The following RGS7 variants were observed in gnomAD, a reference collection of about 807,000 sequenced individuals.
RGS7 encodes the protein regulator of G protein signaling 7.
In RGS7, 27 loss-of-function variants were observed where a neutral mutation model predicts 81.1. That is an observed-to-expected ratio of 0.33 (90% confidence interval 0.25 to 0.46). The LOEUF is 0.46. RGS7 is among the 20% of genes least tolerant of loss of function. RGS7 has a pLI of 1.00. For synonymous variants in RGS7, 208 were observed against 207.7 expected (o/e 1.00, Z -0.01); for missense variants, 396 against 607.4 (o/e 0.65, Z 3.66).
At chr1:240,992,958 C>T (rs1172400454) in intron 3 of RGS7, among the ~76,000 whole-genome samples, 10 of 151,434 alleles carry the variant, frequency 6.6e-5, no homozygotes, top group Admixed American at 2.0e-4. Flanking sequence ...GAGGTTGTAG[C>T]GAGTCGAGAT....
In RGS7 at chr1:241,188,913, T is replaced by C. The variant is rs370453941; in HGVS notation, c.79-90151A>G. Among the ~76,000 whole-genome samples the C allele has an allele frequency of 3.9e-5, 6 of 152,328 alleles. No homozygotes were observed. The South Asian group carries it at 1.2e-3, about 32-fold the overall frequency. On this transcript the variant is annotated intron_variant, in intron 2 of 18. Transcript: ENST00000440928. ...CGAAATTCAGCAGAACTTCAAACTA[T>C]CAACCAAACAATATACGAGTGCTCC...
At chr1:240,970,654 A>G (rs1317127886) in intron 4 of RGS7, among the ~76,000 whole-genome samples, 1 of 152,162 alleles carries the variant, frequency 6.6e-6, no homozygotes, top group Admixed American at 6.5e-5. Context: ...CCCAAGAGGC[A>G]AGAGGCCACC....
intron 6 of RGS7, among the ~76,000 whole-genome samples, chr1:240,877,254 T>C (rs2148063721): frequency 6.7e-6 from 1 of 150,346 alleles, no homozygotes; most frequent in South Asian, 2.1e-4. Context: ...GTAAAAAATA[T>C]ACAGTAAATA....
chr1:241,322,930 A>G (rs568278322), intron 2 of RGS7, among the ~76,000 whole-genome samples: 31 of 152,360 alleles, frequency 2.0e-4, no homozygotes, highest in African/African-American at 7.5e-4. Context: ...TTGAATTTTT[A>G]TACTGTAATC....
chr1:241,341,119 A>C (rs1573756394), intron 2 of RGS7, among the ~76,000 whole-genome samples: 1 of 152,172 alleles, frequency 6.6e-6, no homozygotes, highest in Non-Finnish European at 1.5e-5. Context: ...ATTCCACCCC[A>C]TTTACACAAT....
intron 9 of RGS7, among the ~76,000 whole-genome samples, chr1:240,848,094 G>A (rs951054361): frequency 1.3e-5 from 2 of 152,160 alleles, no homozygotes; most frequent in African/African-American, 4.8e-5. Context: ...AAGATCGGAA[G>A]CCATCACTGC....
intron 2 of RGS7, among the ~76,000 whole-genome samples, chr1:241,107,965 C>CA (rs1383247289): frequency 6.6e-6 from 1 of 151,866 alleles, no homozygotes; most frequent in African/African-American, 2.4e-5. Context: ...AAAGCAGTCT[C>CA]AAAAAAATAA....
chr1:240,856,733 G>A (rs1274579248), intron 9 of RGS7, among the ~76,000 whole-genome samples: 2 of 152,088 alleles, frequency 1.3e-5, no homozygotes, highest in East Asian at 3.9e-4. Context: ...AGCATTCTCT[G>A]AAGAAATATT....
At chr1:240,836,041 T>C (rs1354570779) in intron 9 of RGS7, among the ~76,000 whole-genome samples, 1 of 150,896 alleles carries the variant, frequency 6.6e-6, no homozygotes, top group Non-Finnish European at 1.5e-5. Flanking sequence ...CCATAGAATG[T>C]ACAACATCAA....
chr1:241,129,278 A>G (rs2066911548), intron 2 of RGS7, among the ~76,000 whole-genome samples: 1 of 151,792 alleles, frequency 6.6e-6, no homozygotes, highest in South Asian at 2.1e-4. Flanking sequence ...CAAAAAAAAA[A>G]CGGAACTCAA....
intron 2 of RGS7, among the ~76,000 whole-genome samples, chr1:241,324,220 A>ACTTATTACC (rs2081364655): frequency 6.6e-6 from 1 of 152,198 alleles, no homozygotes; most frequent in African/African-American, 2.4e-5. Context: ...AACTCTATTT[A>ACTTATTACC]CTTATTACCA....
chr1:241,158,238 T>A (rs1188062106), intron 2 of RGS7, among the ~76,000 whole-genome samples: 1 of 152,206 alleles, frequency 6.6e-6, no homozygotes, highest in Non-Finnish European at 1.5e-5. Context: ...AAGCCAAATA[T>A]GTTTACTATC....
Position 240,832,752 on chromosome 1 carries a change from T to A in RGS7, c.610-5580A>T, listed in dbSNP as rs375104271. ...CTGATGTGTACCTGGGAGAACAGTG[T>A]CCTAAACGACAGGTGAGTGGAGGAT... On this transcript the variant is annotated intron_variant, in intron 9 of 18. Coordinates refer to ENST00000440928, the MANE Select transcript of RGS7 (RefSeq NM_001364886.1). Among the ~76,000 whole-genome samples, 6 of 152,254 alleles carry A rather than the reference T, an allele frequency of 3.9e-5. No individual in the cohort carries two copies. In the East Asian group the frequency reaches 9.6e-4, roughly 24 times the overall value.
In RGS7 at chr1:241,327,760, AT is replaced by A. The variant is rs1289511093; in HGVS notation, c.78+27938del. Among the ~76,000 whole-genome samples the A allele has an allele frequency of 5.3e-5, 8 of 152,360 alleles. No homozygotes were observed. The South Asian group carries it at 1.0e-3, about 20-fold the overall frequency. Reference sequence around the variant, plus strand: ...GTATGTTAAGGTTTTATGACTATACATTTACAGATGTTTTTTAAACTCTTAT... The same window carrying A: ...GTATGTTAAGGTTTTATGACTATACATTACAGATGTTTTTTAAACTCTTAT... On this transcript the variant is annotated intron_variant, in intron 2 of 18. Coordinates refer to ENST00000440928, the MANE Select transcript of RGS7 (RefSeq NM_001364886.1).
intron 6 of RGS7, among the ~76,000 whole-genome samples, chr1:240,895,705 G>A (rs1411946122): frequency 1.3e-5 from 2 of 152,128 alleles, no homozygotes; most frequent in Non-Finnish European, 2.9e-5. Context: ...CATTTGGCTT[G>A]GTTCCAAGTC....
At chr1:240,907,588 A>C (rs1251473243) in intron 6 of RGS7, among the ~76,000 whole-genome samples, 1 of 152,194 alleles carries the variant, frequency 6.6e-6, no homozygotes, top group African/African-American at 2.4e-5. Flanking sequence ...GTTGTTTCAG[A>C]AATAGCACAA....
intron 9 of RGS7, among the ~76,000 whole-genome samples, chr1:240,831,142 T>C (rs1341312657): frequency 6.6e-6 from 1 of 152,138 alleles, no homozygotes; most frequent in Non-Finnish European, 1.5e-5. Flanking sequence ...TACTAATGAC[T>C]AAATGGTTAA....
chr1:241,106,584 C>T (rs1234448646), intron 2 of RGS7, among the ~76,000 whole-genome samples: 2 of 151,988 alleles, frequency 1.3e-5, no homozygotes, highest in East Asian at 3.9e-4. Flanking sequence ...TGTGTGGTGG[C>T]AGGTGCCTGT....
chr1:241,324,084 T>C (rs2081356835), intron 2 of RGS7, among the ~76,000 whole-genome samples: 1 of 152,180 alleles, frequency 6.6e-6, no homozygotes, highest in African/African-American at 2.4e-5. Context: ...GTGTAGTGGT[T>C]AGCACAGACG....
Sources: gnomAD v4.1 joint callset for allele counts (sites outside exome capture counted in the v4.1 genomes callset) on GRCh38, gnomAD v4.1.1 for gene constraint, MANE v1.5 for transcripts, NCBI Gene and HGNC (gene_info 2026-07-23, HGNC 2026-07-21) for gene names.